Variants in SPAG6 observed in about 807,000 individuals in gnomAD.
The protein encoded by SPAG6 is sperm associated antigen 6.
Under a neutral mutation model 58.5 loss-of-function variants are expected in SPAG6, and 49 were observed. The observed-to-expected ratio is 0.84, with a 90% CI of 0.67 to 1.06. SPAG6 has a LOEUF of 1.06. SPAG6 is among the 50% of genes least tolerant of loss of function. The probability of loss-of-function intolerance (pLI) is 0.00; values close to 1 mark genes in which losing one functional copy is unlikely to be tolerated. For synonymous variants in SPAG6, 233 were observed against 225.6 expected, an observed-to-expected ratio of 1.03 and a Z score of -0.29; for missense variants, 560 against 611.3, an observed-to-expected ratio of 0.92 and a Z score of 0.89.
At chr10:22,374,948 C>T (rs754761954) in intron 4 of SPAG6, among the ~76,000 whole-genome samples, 1 of 152,084 alleles carries the variant, frequency 6.6e-6, no homozygotes, top group Non-Finnish European at 1.5e-5. Flanking sequence ...AGTGCTTTGT[C>T]CCACAAAATA....
At chr10:22,399,692 C>T (rs1834367943) in intron 8 of SPAG6, among the ~76,000 whole-genome samples, 1 of 152,148 alleles carries the variant, frequency 6.6e-6, no homozygotes, top group Non-Finnish European at 1.5e-5. Flanking sequence ...CTCTTTTCTA[C>T]AGTTCTTGAT....
chr10:22,355,172 G>A (rs1279322529), intron 2 of SPAG6, among the ~76,000 whole-genome samples: 1 of 152,102 alleles, frequency 6.6e-6, no homozygotes, highest in Non-Finnish European at 1.5e-5. Flanking sequence ...GTTTTTCTTG[G>A]CAAATGGGCT....
At chr10:22,357,545 T>G (rs1332991949) in intron 2 of SPAG6, among the ~76,000 whole-genome samples, 3 of 152,170 alleles carry the variant, frequency 2.0e-5, no homozygotes, top group Non-Finnish European at 4.4e-5. Flanking sequence ...ATTATGTGGA[T>G]GAAAATATAG....
chr10:22,387,871 C>A lies in SPAG6; in HGVS notation c.727C>A (p.Leu243Met). ...TCAGGTTTCAAAACATTCCGTGGAT[C>A]TGGCAGAAATGGTTGTTGAAGCAGA... ...LSQVSKHSVD[L>M]AEMVVEAEIF... Residue 243 changes from leucine to methionine, a missense_variant, in exon 6 of 11, where the codon CTG (leucine) becomes ATG (methionine). Coordinates refer to ENST00000376624, the MANE Select transcript of SPAG6 (RefSeq NM_012443.4). The A allele has an allele frequency of 6.2e-7, 1 of 1,613,306 alleles. No homozygotes were observed. The highest frequency in any genetic ancestry group is 8.5e-7 in the Non-Finnish European group (1 of 1,179,696).
chr10:22,365,025 A>C lies in SPAG6; in HGVS notation c.288+6A>C. 6.4e-7 allele frequency: 1 copy of C among 1,568,326 alleles called. No homozygotes were observed. The highest frequency in any genetic ancestry group is 8.6e-7 in the Non-Finnish European group (1 of 1,159,562). ...ATTCATTGGCAGAACAGAATGTAAG[A>C]ATTAAAAAAAACTAGTTATATGTTT... On this transcript the variant is annotated splice_donor_region_variant and intron_variant, in intron 3 of 10. Coordinates refer to ENST00000376624, the MANE Select transcript of SPAG6 (RefSeq NM_012443.4).
chr10:22,364,760 C>T, intron 2 of SPAG6, 93 bp from the exon 3 acceptor site: 8 of 839,856 alleles, frequency 9.5e-6, no homozygotes, highest in South Asian at 2.1e-5. Context: ...TGATTTTTTC[C>T]CTTTAATTTT....
rs997852688 is a variant in SPAG6 at position 22,417,387 on chromosome 10, A to G, written c.*699A>G. The G allele has an allele frequency of 1.3e-5, 2 of 152,162 alleles. No individual in the cohort carries two copies. The highest frequency in any genetic ancestry group is 4.8e-5 in the African/African-American group (2 of 41,426). 9.4% of individuals were successfully genotyped at this position (152,162 alleles called of 1,614,324 possible). A position where few individuals can be genotyped will look rare whatever the true frequency, so the allele number is the denominator to read the frequency against. On this transcript the variant is annotated 3_prime_UTR_variant, in exon 11 of 11. Transcript: ENST00000376624. ...CATACATGCTCTCCCTCTCATTGAA[A>G]GGTTTCTTAGTCTAGCTCTGCTCAT...
chr10:22,376,501 A>G (rs1013052137), intron 4 of SPAG6, among the ~76,000 whole-genome samples: 1 of 152,184 alleles, frequency 6.6e-6, no homozygotes, highest in African/African-American at 2.4e-5. Context: ...TGCTTTGTAG[A>G]TATTTGTTAA....
At chr10:22,410,111 GTTGC>G in intron 9 of SPAG6, among the ~76,000 whole-genome samples, 1 of 152,106 alleles carries the variant, frequency 6.6e-6, no homozygotes, top group East Asian at 1.9e-4. Context: ...GTTTTCATTG[GTTGC>G]TTTAAGAAAC....
chr10:22,372,559 G>C (rs947688354), intron 4 of SPAG6, among the ~76,000 whole-genome samples: 2 of 152,114 alleles, frequency 1.3e-5, no homozygotes, highest in Non-Finnish European at 2.9e-5. Context: ...CCTCCCTCAG[G>C]CCTTGTGACT....
rs1554776440 is a variant in SPAG6, at chr10:22,346,431, T to TTCTTCC, written c.121+618_121+619insCTCTTC. ...AACATAAACTGATAAGAGAAAATGGTTCTTCTTCTTCTTCTTCTTCTTCTT... is the reference window on the plus strand; with the variant it reads ...AACATAAACTGATAAGAGAAAATGGTTCTTCCTCTTCTTCTTCTTCTTCTTCTTCTT... On this transcript the variant is annotated intron_variant, in intron 2 of 10. Coordinates refer to ENST00000376624, the MANE Select transcript of SPAG6 (RefSeq NM_012443.4). Among the ~76,000 whole-genome samples the TTCTTCC allele has an allele frequency of 3.2e-3, 44 of 13,920 alleles. 1 individual carries two copies. Among genetic ancestry groups the TTCTTCC allele is most frequent in the South Asian group, 6.2e-3 (2 of 322 alleles). The allele number at this position is 13,920 out of a possible 152,430, so 9.1% of individuals were successfully genotyped here.
At chr10:22,379,352 G>A (rs981117340) in intron 4 of SPAG6, among the ~76,000 whole-genome samples, 8 of 152,196 alleles carry the variant, frequency 5.3e-5, no homozygotes, top group South Asian at 2.1e-4. Context: ...CCCCTCCCCC[G>A]TTGCACCAAT....
chr10:22,359,763 T>A (rs1329131390), intron 2 of SPAG6, among the ~76,000 whole-genome samples: 2 of 152,220 alleles, frequency 1.3e-5, no homozygotes, highest in Non-Finnish European at 2.9e-5. Context: ...ATAACTTTAC[T>A]ATGACATAAG....
chr10:22,387,834 T>G lies in SPAG6; in HGVS notation c.690T>G (p.Leu230=). 2 of 1,611,434 alleles carry G rather than the reference T, an allele frequency of 1.2e-6. 1 individual carries two copies. The highest frequency in any genetic ancestry group is 1.7e-6 in the Non-Finnish European group (2 of 1,179,126). ...TTTTTGCTTCACAGCATCAGATCCT[T>G]TCAGCTCTCAGTCAGGTTTCAAAAC... is the stretch of plus-strand genomic sequence containing the variant. The part of the protein sequence containing the change: ...NPDAKLKHQI[L]SALSQVSKHS... The change falls in exon 6 of 11, where the codon CTT becomes CTG. Residue 230 remains leucine, a synonymous_variant. Transcript: ENST00000376624.
chr10:22,364,303 T>A (rs1313283959), intron 2 of SPAG6, among the ~76,000 whole-genome samples: 1 of 152,202 alleles, frequency 6.6e-6, no homozygotes, highest in Non-Finnish European at 1.5e-5. Flanking sequence ...AATAAGTCCT[T>A]GATAAATATG....
chr10:22,359,927 T>C (rs1460545354), intron 2 of SPAG6, among the ~76,000 whole-genome samples: 1 of 152,198 alleles, frequency 6.6e-6, no homozygotes, highest in Non-Finnish European at 1.5e-5. Context: ...ATGTTAAATG[T>C]CTTTGTAAGA....
At chr10:22,385,497 G>C (rs1389257115) in intron 4 of SPAG6, among the ~76,000 whole-genome samples, 2 of 152,142 alleles carry the variant, frequency 1.3e-5, no homozygotes, top group Admixed American at 6.5e-5. Flanking sequence ...CTTTGCCAAC[G>C]AATGTAGTGG....
chr10:22,389,061 C>A, intron 6 of SPAG6, 99 bp from the exon 7 acceptor site: 2 of 859,532 alleles, frequency 2.3e-6, no homozygotes, highest in African/African-American at 1.7e-5. Flanking sequence ...TCAATTTCAC[C>A]AGTTGTTTTT....
At chr10:22,389,012 A>T (rs1834126872) in intron 6 of SPAG6, 148 bp from the exon 7 acceptor site, 1 of 631,042 alleles carries the variant, frequency 1.6e-6, no homozygotes, top group Non-Finnish European at 2.6e-6. Flanking sequence ...GTACTTGTAT[A>T]TTTCTTTAAT....
Sources: gnomAD v4.1 joint callset for allele counts (sites outside exome capture counted in the v4.1 genomes callset) on GRCh38, gnomAD v4.1.1 for gene constraint, MANE v1.5 for transcripts, NCBI Gene and HGNC (gene_info 2026-07-23, HGNC 2026-07-21) for gene names.